Variants in RSPO2 observed in about 807,000 individuals in gnomAD.
The protein encoded by RSPO2 is R-spondin 2.
RSPO2 carries 14 observed loss-of-function variants against 30.9 expected under a neutral mutation model. The observed-to-expected ratio is 0.45, with a 90% CI of 0.30 to 0.71. The LOEUF is 0.71. Ranked by LOEUF, RSPO2 falls within the 30% of genes least tolerant of loss-of-function variation. The pLI is 0.08. For synonymous variants in RSPO2, 107 were observed against 96.4 expected (o/e 1.11, Z -0.64); for missense variants, 264 against 301.9 (o/e 0.87, Z 0.93).
At chr8:107,903,556 C>T (rs1173178356) in intron 5 of RSPO2, among the ~76,000 whole-genome samples, 1 of 152,016 alleles carries the variant, frequency 6.6e-6, no homozygotes, top group Non-Finnish European at 1.5e-5. Flanking sequence ...GGAAGTTACT[C>T]AATACTTGCA....
chr8:107,932,453 GA>G (rs1371450863), intron 5 of RSPO2, among the ~76,000 whole-genome samples: 1 of 152,116 alleles, frequency 6.6e-6, no homozygotes, highest in Non-Finnish European at 1.5e-5. Context: ...TTTTGAATTT[GA>G]AATACATGTG....
At chr8:107,954,961 T>C (rs1813375951) in intron 5 of RSPO2, among the ~76,000 whole-genome samples, 1 of 152,168 alleles carries the variant, frequency 6.6e-6, no homozygotes, top group Non-Finnish European at 1.5e-5. Context: ...TCATTCGCCA[T>C]AAATCAGTCT....
chr8:107,948,866 A>ATAAATAAATAAATAAAT (rs55680371), intron 5 of RSPO2, among the ~76,000 whole-genome samples: 13 of 145,798 alleles, frequency 8.9e-5, no homozygotes, highest in East Asian at 6.1e-4. Context: ...TCTCAAAAAA[A>ATAAATAAATAAATAAAT]AAATAAATAA....
At chr8:107,970,024 C>G (rs750112526) in intron 3 of RSPO2, among the ~76,000 whole-genome samples, 1 of 152,094 alleles carries the variant, frequency 6.6e-6, no homozygotes, top group Non-Finnish European at 1.5e-5. Context: ...CACTCAACCC[C>G]CATCCAAGGA....
At chr8:108,054,671 G>A (rs1485707478) in intron 2 of RSPO2, among the ~76,000 whole-genome samples, 2 of 152,188 alleles carry the variant, frequency 1.3e-5, no homozygotes, top group Admixed American at 1.3e-4. Context: ...ACAGAGCAGA[G>A]CTAGATGTAG....
intron 3 of RSPO2, among the ~76,000 whole-genome samples, chr8:107,982,649 T>C (rs1814485051): frequency 6.6e-6 from 1 of 152,174 alleles, no homozygotes; most frequent in South Asian, 2.1e-4. Context: ...CTGGCTGCTT[T>C]CCTATGACTC....
intron 2 of RSPO2, among the ~76,000 whole-genome samples, chr8:108,075,424 GA>G (rs1812979804): frequency 6.6e-6 from 1 of 151,196 alleles, no homozygotes; most frequent in East Asian, 1.9e-4. Context: ...GAGGTTCAGT[GA>G]GTCAAGATCA....
rs1476940176 is a variant in RSPO2, at chr8:107,989,075, T to C, written c.264A>G (p.Pro88=). 1 of 1,608,178 alleles carries C rather than the reference T, an allele frequency of 6.2e-7. No homozygotes were observed. Among genetic ancestry groups the C allele is most frequent in the Admixed American group, 1.7e-5 (1 of 58,832 alleles). Reference sequence around the variant, plus strand: ...GCTCACTTGCACATCTGTTCATATCTGGGGCTCGGTGTCCATAGTACCCGG... The same window carrying C: ...GCTCACTTGCACATCTGTTCATATCCGGGGCTCGGTGTCCATAGTACCCGG... ...CPSGYYGHRA[P]DMNRCARCRI... Residue 88 remains proline (P), a synonymous_variant, in exon 3 of 6, where the codon CCA becomes CCG. Coordinates refer to ENST00000276659, the MANE Select transcript of RSPO2 (RefSeq NM_178565.5).
chr8:107,959,121 C>T (rs1005675508), intron 4 of RSPO2, among the ~76,000 whole-genome samples: 2 of 152,154 alleles, frequency 1.3e-5, no homozygotes, highest in Non-Finnish European at 1.5e-5. Flanking sequence ...CTCCACCAAA[C>T]CCACAAATGT....
chr8:107,928,435 G>A (rs141743994), intron 5 of RSPO2, among the ~76,000 whole-genome samples: 1 of 152,212 alleles, frequency 6.6e-6, no homozygotes, highest in Non-Finnish European at 1.5e-5. Flanking sequence ...AAGTATTCCA[G>A]ATTACACTGT....
chr8:108,010,362 C>T (rs1037518719), intron 2 of RSPO2, among the ~76,000 whole-genome samples: 1 of 152,166 alleles, frequency 6.6e-6, no homozygotes, highest in Admixed American at 6.5e-5. Flanking sequence ...AAGAAGATAG[C>T]TGCAAAGCCC....
intron 3 of RSPO2, among the ~76,000 whole-genome samples, chr8:107,964,214 A>G (rs1454237166): frequency 6.6e-6 from 1 of 152,060 alleles, no homozygotes; most frequent in African/African-American, 2.4e-5. Flanking sequence ...TACAAACCCA[A>G]TATTTTTTAT....
chr8:108,078,129 T>C (rs560726797), intron 2 of RSPO2, among the ~76,000 whole-genome samples: 15 of 152,112 alleles, frequency 9.9e-5, no homozygotes, highest in Middle Eastern at 3.4e-3. Flanking sequence ...TATTGGATTC[T>C]AGCCAAGCTG....
intron 3 of RSPO2, among the ~76,000 whole-genome samples, chr8:107,970,677 G>C (rs521494): frequency 0.55 from 83,928 of 152,040 alleles, 24,503 homozygotes; most frequent in East Asian, 0.7. Flanking sequence ...GACAACTCCT[G>C]ATCAGTTGTC....
intron 3 of RSPO2, among the ~76,000 whole-genome samples, chr8:107,973,676 C>T (rs1814099607): frequency 6.6e-6 from 1 of 152,266 alleles, no homozygotes; most frequent in South Asian, 2.1e-4. Context: ...GAAACAAATG[C>T]ATACTTGACT....
chr8:107,992,509 C>T (rs1223670123), intron 2 of RSPO2, among the ~76,000 whole-genome samples: 1 of 152,074 alleles, frequency 6.6e-6, no homozygotes, highest in African/African-American at 2.4e-5. Flanking sequence ...CCCCATGACA[C>T]AAGTTTACCT....
chr8:108,034,641 C>A (rs137956528), intron 2 of RSPO2, among the ~76,000 whole-genome samples: 2 of 152,256 alleles, frequency 1.3e-5, no homozygotes, highest in African/African-American at 4.8e-5. Context: ...TTCTCAATTC[C>A]TGTTTTGGCC....
chr8:107,985,367 C>T (rs943441271), intron 3 of RSPO2, among the ~76,000 whole-genome samples: 2 of 152,026 alleles, frequency 1.3e-5, no homozygotes, highest in Non-Finnish European at 2.9e-5. Flanking sequence ...GGATATTTTT[C>T]ATAGAACTGC....
intron 5 of RSPO2, among the ~76,000 whole-genome samples, chr8:107,901,425 A>G (rs1187921189): frequency 1.3e-5 from 2 of 152,232 alleles, no homozygotes; most frequent in Non-Finnish European, 2.9e-5. Flanking sequence ...TGGCATATTG[A>G]AAAACCTCCC....
Sources: allele counts gnomAD v4.1 joint callset (sites outside exome capture counted in the v4.1 genomes callset), GRCh38; gene constraint gnomAD v4.1.1; transcripts MANE v1.5; gene names NCBI Gene and HGNC (gene_info 2026-07-23, HGNC 2026-07-21).